CTNNA3: variants seen among roughly 807,000 people sequenced by gnomAD.
CTNNA3 encodes catenin alpha 3.
In CTNNA3, 76 loss-of-function variants were observed where a neutral mutation model predicts 95.7. The ratio of observed to expected loss-of-function variants is 0.79; its 90% CI spans 0.66 to 0.96. CTNNA3 has a LOEUF of 0.96. Among genes scored for constraint, CTNNA3 ranks in the 40% least tolerant of loss-of-function variants. The pLI, the probability that CTNNA3 is intolerant of heterozygous loss-of-function variation, is 0.00. For synonymous variants in CTNNA3, 431 were observed against 374.4 expected (o/e 1.15, Z -1.74); for missense variants, 1,191 against 1,089.8 (o/e 1.09, Z -1.31).
At chr10:67,049,029 GGTTT>G (rs1209573048) in intron 7 of CTNNA3, among the ~76,000 whole-genome samples, 1 of 11,666 alleles carries the variant, frequency 8.6e-5, no homozygotes, top group Non-Finnish European at 1.4e-4. Context: ...GATGATAACT[GGTTT>G]TTTTTTTTTT....
intron 11 of CTNNA3, among the ~76,000 whole-genome samples, chr10:66,452,954 G>A (rs2093473991): frequency 6.6e-6 from 1 of 152,214 alleles, no homozygotes; most frequent in East Asian, 1.9e-4. Flanking sequence ...AGTGGCTCAT[G>A]CCTGTAATCC....
chr10:67,199,923 A>C (rs759020150), intron 6 of CTNNA3, among the ~76,000 whole-genome samples: 23 of 152,216 alleles, frequency 1.5e-4, no homozygotes, highest in Admixed American at 2.6e-4. Context: ...ACACCGCTCC[A>C]GACTTTTCTT....
At chr10:66,165,626 T>C (rs1013437760) in intron 13 of CTNNA3, among the ~76,000 whole-genome samples, 2 of 152,046 alleles carry the variant, frequency 1.3e-5, no homozygotes, top group South Asian at 4.1e-4. Context: ...GTGAAATATA[T>C]AGTATTTATT....
chr10:67,227,103 T>C (rs1288555084), intron 5 of CTNNA3, among the ~76,000 whole-genome samples: 1 of 151,692 alleles, frequency 6.6e-6, no homozygotes, highest in Non-Finnish European at 1.5e-5. Context: ...TCTTTTTTTT[T>C]TTTTTGAGAT....
intron 5 of CTNNA3, among the ~76,000 whole-genome samples, chr10:67,428,095 T>A (rs1036473744): frequency 5.3e-5 from 8 of 152,166 alleles, no homozygotes; most frequent in African/African-American, 1.9e-4. Context: ...TTATATTATA[T>A]CCAAGTAAGA....
rs576317601 is a variant in CTNNA3, at chr10:67,640,733, T to G, written c.99+6682A>C. On this transcript the variant is annotated intron_variant, in intron 2 of 17. Transcript: ENST00000433211. ...ACAACCATCTGATCTTTGACAAACC[T>G]GACAAAAACAAGAAATGGGGAAACG... Among the ~76,000 whole-genome samples the G allele has an allele frequency of 5.9e-5, 9 of 152,146 alleles. No individual in the cohort carries two copies. In the East Asian group the frequency reaches 1.7e-3, roughly 29 times the overall value.
intron 7 of CTNNA3, among the ~76,000 whole-genome samples, chr10:66,976,640 T>C (rs1047298861): frequency 1.3e-5 from 2 of 152,208 alleles, no homozygotes; most frequent in Non-Finnish European, 2.9e-5. Flanking sequence ...TCAATACTAA[T>C]CAAACTTACT....
chr10:67,255,915 A>G (rs1386610163), intron 5 of CTNNA3, among the ~76,000 whole-genome samples: 1 of 152,170 alleles, frequency 6.6e-6, no homozygotes, highest in Non-Finnish European at 1.5e-5. Context: ...CTTGCAATAC[A>G]CCATGAGATT....
intron 7 of CTNNA3, among the ~76,000 whole-genome samples, chr10:67,091,562 A>G (rs910137424): frequency 5.3e-5 from 8 of 152,110 alleles, no homozygotes; most frequent in Non-Finnish European, 1.0e-4. Flanking sequence ...AATTAAAAAT[A>G]TAGCTAATTT....
chr10:66,592,254 A>G (rs1843578439), intron 10 of CTNNA3, among the ~76,000 whole-genome samples: 1 of 152,134 alleles, frequency 6.6e-6, no homozygotes, highest in African/African-American at 2.4e-5. Context: ...TGAGAATACA[A>G]ATAAAATAAG....
At chr10:65,955,483 C>T (rs968653604) in intron 17 of CTNNA3, among the ~76,000 whole-genome samples, 1 of 152,126 alleles carries the variant, frequency 6.6e-6, no homozygotes, top group Non-Finnish European at 1.5e-5. Context: ...AAAGGGAATG[C>T]TTCCAGTTGT....
chr10:66,149,145 C>T (rs530812954), intron 13 of CTNNA3, among the ~76,000 whole-genome samples: 30 of 147,978 alleles, frequency 2.0e-4, no homozygotes, highest in East Asian at 1.6e-3. Flanking sequence ...ATATATCTAA[C>T]GCATATATAT....
At position 66,536,877 on chromosome 10, in the gene CTNNA3, T is replaced by A. The variant is rs190986917; in HGVS notation, c.1375-16104A>T. On this transcript the variant is annotated intron_variant, in intron 10 of 17. Transcript: ENST00000433211. Reference sequence around the variant, plus strand: ...CTCTTTCTCTCTGTCAAACTCTCTCTCTTCTATTATACAACTGGGTATATA... The same window carrying A: ...CTCTTTCTCTCTGTCAAACTCTCTCACTTCTATTATACAACTGGGTATATA... Among the ~76,000 whole-genome samples the A allele has an allele frequency of 2.8e-4, 43 of 152,226 alleles. 2 individuals carry two copies. In the East Asian group the frequency reaches 7.7e-3, roughly 27 times the overall value.
At chr10:66,352,321 T>C (rs2092572860) in intron 12 of CTNNA3, among the ~76,000 whole-genome samples, 1 of 152,018 alleles carries the variant, frequency 6.6e-6, no homozygotes, top group Admixed American at 6.6e-5. Context: ...GGAAGGAACA[T>C]ACACAATGAA....
intron 2 of CTNNA3, among the ~76,000 whole-genome samples, chr10:67,617,040 A>G: frequency 6.6e-6 from 1 of 152,162 alleles, no homozygotes; most frequent in Non-Finnish European, 1.5e-5. Flanking sequence ...GGATATGTAG[A>G]TTTTGTCATT....
At chr10:66,347,590 A>G (rs4258278) in intron 12 of CTNNA3, among the ~76,000 whole-genome samples, 137,740 of 151,834 alleles carry the variant, frequency 0.91, 62,718 homozygotes, top group East Asian at 1. Flanking sequence ...CTCTTGCCTG[A>G]GTGACAGAGT....
chr10:66,400,523 GATATAGAT>G (rs1312401192), intron 11 of CTNNA3, among the ~76,000 whole-genome samples: 4 of 152,082 alleles, frequency 2.6e-5, no homozygotes, highest in South Asian at 2.1e-4. Context: ...GATATATATA[GATATAGAT>G]ATATAGATAT....
At chr10:66,107,027 T>A (rs1186162223) in intron 13 of CTNNA3, among the ~76,000 whole-genome samples, 1 of 152,180 alleles carries the variant, frequency 6.6e-6, no homozygotes, top group African/African-American at 2.4e-5. Flanking sequence ...TCTCTTTTAA[T>A]TGGACTTTAA....
intron 7 of CTNNA3, among the ~76,000 whole-genome samples, chr10:66,821,967 T>G (rs111541877): frequency 2.0e-4 from 31 of 152,136 alleles, no homozygotes; most frequent in African/African-American, 7.0e-4. Context: ...AATTTTGTCC[T>G]GAATATTTTT....
Sources: gnomAD v4.1 joint callset for allele counts (sites outside exome capture counted in the v4.1 genomes callset) on GRCh38, gnomAD v4.1.1 for gene constraint, MANE v1.5 for transcripts, NCBI Gene and HGNC (gene_info 2026-07-23, HGNC 2026-07-21) for gene names.